Variants in LAPTM4B observed in about 807,000 individuals in gnomAD.
The protein encoded by LAPTM4B is lysosomal-associated transmembrane protein 4B.
LAPTM4B carries 26 observed loss-of-function variants against 28.5 expected under a neutral mutation model. The ratio of observed to expected loss-of-function variants is 0.91; its 90% CI spans 0.67 to 1.27. The LOEUF is 1.27. LAPTM4B is among the 50% of genes most tolerant of loss of function. The pLI is 0.00. For missense variants in LAPTM4B, 288 were observed against 285.8 expected (o/e 1.01, Z -0.06); for synonymous variants, 109 against 106.4 (o/e 1.02, Z -0.15).
At chr8:97,820,873 C>T (rs914770270) in intron 5 of LAPTM4B, among the ~76,000 whole-genome samples, 21 of 151,880 alleles carry the variant, frequency 1.4e-4, no homozygotes, top group Non-Finnish European at 2.2e-4. Context: ...GGACTACAGG[C>T]GCCTGTTACC....
At chr8:97,817,564 T>C (rs1193226729) in intron 4 of LAPTM4B, among the ~76,000 whole-genome samples, 1 of 149,550 alleles carries the variant, frequency 6.7e-6, no homozygotes, top group Non-Finnish European at 1.5e-5. Flanking sequence ...TTCTCCTGCC[T>C]CAGTCTCCTG....
chr8:97,786,494 G>T (rs1240583580), intron 1 of LAPTM4B, among the ~76,000 whole-genome samples: 1 of 151,380 alleles, frequency 6.6e-6, no homozygotes, highest in African/African-American at 2.4e-5. Context: ...ATGAGGTTCC[G>T]AGTTCGAGAC....
intron 5 of LAPTM4B, among the ~76,000 whole-genome samples, chr8:97,819,794 G>A (rs1816976455): frequency 7.1e-6 from 1 of 140,038 alleles, no homozygotes; most frequent in Non-Finnish European, 1.5e-5. Context: ...GAGTGCAGTG[G>A]CGCAACCTCG....
chr8:97,843,530 C>T (rs1001691471), intron 6 of LAPTM4B, among the ~76,000 whole-genome samples: 5 of 152,124 alleles, frequency 3.3e-5, no homozygotes, highest in African/African-American at 9.7e-5. Context: ...GTAATCCCAG[C>T]GTTTGGGGAG....
intron 1 of LAPTM4B, 24 bp from the exon 2 acceptor site, chr8:97,805,329 T>TC (rs935303078): frequency 3.4e-6 from 4 of 1,175,362 alleles, no homozygotes; most frequent in African/African-American, 3.5e-5. Context: ...AAATTCTTTT[T>TC]TTTTTTTTTT....
intron 1 of LAPTM4B, among the ~76,000 whole-genome samples, chr8:97,803,434 A>G (rs965032685): frequency 6.6e-5 from 10 of 150,936 alleles, no homozygotes; most frequent in Non-Finnish European, 8.9e-5. Context: ...ATCCACCACC[A>G]TGCCCAACTA....
intron 1 of LAPTM4B, among the ~76,000 whole-genome samples, chr8:97,785,786 T>A (rs1477823426): frequency 1.3e-5 from 2 of 152,168 alleles, no homozygotes; most frequent in African/African-American, 4.8e-5. Context: ...GCAATAGCAA[T>A]CAGTTTCAAC....
chr8:97,821,325 C>CA (rs35900717), intron 5 of LAPTM4B, among the ~76,000 whole-genome samples: 67,608 of 149,900 alleles, frequency 0.45, 15,619 homozygotes, highest in East Asian at 0.57. Context: ...GACTCCATCT[C>CA]AAAAAAAAAT....
chr8:97,810,761 A>G (rs1444187929), intron 2 of LAPTM4B, among the ~76,000 whole-genome samples: 2 of 152,222 alleles, frequency 1.3e-5, no homozygotes, highest in Non-Finnish European at 2.9e-5. Context: ...TTTCTAATTA[A>G]TTTTGTGGTA....
intron 6 of LAPTM4B, among the ~76,000 whole-genome samples, chr8:97,841,108 G>A (rs1409873288): frequency 4.7e-5 from 2 of 42,606 alleles, no homozygotes; most frequent in African/African-American, 2.7e-4. Context: ...CCCAGATGGG[G>A]CAGCAGCCGG....
chr8:97,798,177 A>T (rs1418204702), intron 1 of LAPTM4B, among the ~76,000 whole-genome samples: 1 of 152,100 alleles, frequency 6.6e-6, no homozygotes, highest in East Asian at 1.9e-4. Context: ...CTCTTTCAGG[A>T]AGTTCTTACC....
chr8:97,776,118 G>C lies in LAPTM4B; in HGVS notation c.99+10G>C, dbSNP rs752842990. On this transcript the variant is annotated intron_variant, in intron 1 of 6. Transcript: ENST00000521545. ...CGGCGTCTGGTATCTGGTGAGCGCG[G>C]CGCGCCCGGCCCGGGACCCTGCGTT... The C allele has an allele frequency of 1.9e-6, 3 of 1,564,332 alleles. No individual in the cohort carries two copies.
chr8:97,777,024 T>G (rs962018760), intron 1 of LAPTM4B, among the ~76,000 whole-genome samples: 1 of 151,776 alleles, frequency 6.6e-6, no homozygotes, highest in African/African-American at 2.4e-5. Flanking sequence ...TTGGGTTTTG[T>G]GACATCATGA....
In LAPTM4B at chr8:97,849,810, C is replaced by G. The variant is rs6984645; in HGVS notation, c.604-1587C>G. Among the ~76,000 whole-genome samples the G allele has an allele frequency of 4.6e-5, 7 of 152,046 alleles. No homozygotes were observed. In the East Asian group the frequency reaches 1.2e-3, roughly 25 times the overall value. On this transcript the variant is annotated intron_variant, in intron 6 of 6. Coordinates refer to ENST00000521545, the MANE Select transcript of LAPTM4B (RefSeq NM_018407.6). ...AGCCGCCACCCCCCCTCCTCCACCC[C>G]CCTGCCCGCCTGCCCGCCCCCGGTT...
intron 6 of LAPTM4B, among the ~76,000 whole-genome samples, chr8:97,850,631 C>G (rs1817510229): frequency 6.7e-6 from 1 of 150,172 alleles, no homozygotes; most frequent in African/African-American, 2.5e-5. Context: ...AAAATCTAAC[C>G]AAGTGTGGTT....
In LAPTM4B at chr8:97,851,687, C is replaced by A. The variant is rs11990160; in HGVS notation, c.*213C>A. 0.025 allele frequency: 14,518 copies of A among 581,906 alleles called. 1,570 individuals are homozygous for A. The highest frequency in any genetic ancestry group is 0.24 in the African/African-American group (12,801 of 53,480). 36.0% of individuals were successfully genotyped at this position (581,906 alleles called of 1,614,324 possible). A position where few individuals can be genotyped will look rare whatever the true frequency, so the allele number is the denominator to read the frequency against. On this transcript the variant is annotated 3_prime_UTR_variant, in exon 7 of 7. Coordinates refer to ENST00000521545, the MANE Select transcript of LAPTM4B (RefSeq NM_018407.6). ...GATTAACTGTAGAATTCTTCCTGTA[C>A]GATTGGGGATATAATGGGCTTCACT...
At position 97,851,525 on chromosome 8, in the gene LAPTM4B, G is replaced by A. The variant is rs751305980; in HGVS notation, c.*51G>A. The A allele has an allele frequency of 1.5e-6, 2 of 1,322,860 alleles. No individual in the cohort carries two copies. The highest frequency in any genetic ancestry group is 2.9e-5 in the African/African-American group (2 of 68,884). The allele number at this position is 1,322,860 out of a possible 1,614,324, so 81.9% of individuals were successfully genotyped here. ...CAGCAGCTTGACTTTGCAGACATCT[G>A]AGCAATAGTTCTGTTATTTCACTTT... On this transcript the variant is annotated 3_prime_UTR_variant, in exon 7 of 7. Coordinates refer to ENST00000521545, the MANE Select transcript of LAPTM4B (RefSeq NM_018407.6).
intron 6 of LAPTM4B, among the ~76,000 whole-genome samples, chr8:97,828,254 C>T (rs1388840329): frequency 6.6e-6 from 1 of 151,872 alleles, no homozygotes; most frequent in Admixed American, 6.6e-5. Flanking sequence ...CTGCTTCAAG[C>T]GGGATTAGGG....
intron 1 of LAPTM4B, among the ~76,000 whole-genome samples, chr8:97,804,162 T>C (rs1816727034): frequency 6.6e-6 from 1 of 152,162 alleles, no homozygotes; most frequent in South Asian, 2.1e-4. Flanking sequence ...GGAGGATTGC[T>C]TGAGCCCAGG....
Sources: gnomAD v4.1 joint callset for allele counts (sites outside exome capture counted in the v4.1 genomes callset) on GRCh38, gnomAD v4.1.1 for gene constraint, MANE v1.5 for transcripts, NCBI Gene and HGNC (gene_info 2026-07-23, HGNC 2026-07-21) for gene names.